THSD4: variants seen among roughly 807,000 people sequenced by gnomAD.
The protein encoded by THSD4 is thrombospondin type 1 domain containing 4.
Under a neutral mutation model 119.0 loss-of-function variants are expected in THSD4, and 69 were observed. The ratio of observed to expected loss-of-function variants is 0.58; its 90% CI spans 0.48 to 0.71. The LOEUF (loss-of-function observed/expected upper bound fraction) is 0.71. Ranked by LOEUF, THSD4 falls within the 30% of genes least tolerant of loss-of-function variation. The pLI is 0.00. For synonymous variants in THSD4, 524 were observed against 540.4 expected (o/e 0.97, Z 0.42); for missense variants, 1,393 against 1,391.1 (o/e 1.00, Z -0.02).
At chr15:71,246,523 G>C (rs1272876121) in intron 5 of THSD4, among the ~76,000 whole-genome samples, 1 of 152,134 alleles carries the variant, frequency 6.6e-6, no homozygotes, top group Non-Finnish European at 1.5e-5. Flanking sequence ...TTGGGTCATG[G>C]TGACTTTAAA....
rs368704582 is a variant in THSD4 at position 71,359,973 on chromosome 15, C to T, written c.1016-51714C>T. 4.1e-4 allele frequency among the ~76,000 whole-genome samples: 63 copies of T among 152,294 alleles called. No individual in the cohort carries two copies. The South Asian group carries it at 8.3e-3, about 20-fold the overall frequency. On this transcript the variant is annotated intron_variant, in intron 6 of 17. Coordinates refer to ENST00000261862, the MANE Select transcript of THSD4 (RefSeq NM_024817.3). ...TGTCTATTGCTGTATAACAGACCAC[C>T]CCAAAATTGAGTAGCTTAAAGAACA...
At chr15:71,443,617 A>G (rs756765846) in intron 7 of THSD4, among the ~76,000 whole-genome samples, 2 of 152,222 alleles carry the variant, frequency 1.3e-5, no homozygotes, top group Non-Finnish European at 2.9e-5. Flanking sequence ...GCAAACCTGT[A>G]TGTTGTCCCT....
chr15:71,442,658 G>GTA (rs1555414314), intron 7 of THSD4, among the ~76,000 whole-genome samples: 4,096 of 31,252 alleles, frequency 0.13, 1,040 homozygotes, highest in Non-Finnish European at 0.2. Flanking sequence ...GTGTGTGTGT[G>GTA]TGTATATATA....
intron 3 of THSD4, among the ~76,000 whole-genome samples, chr15:71,192,486 T>C (rs2043680766): frequency 1.3e-5 from 2 of 152,088 alleles, no homozygotes; most frequent in Admixed American, 6.5e-5. Context: ...TTTCACCATG[T>C]TGGCCAGGCC....
chr15:71,615,506 T>C (rs1466007538), intron 7 of THSD4, among the ~76,000 whole-genome samples: 1 of 152,144 alleles, frequency 6.6e-6, no homozygotes, highest in African/African-American at 2.4e-5. Flanking sequence ...TTTTATACTA[T>C]ATAATGTACC....
chr15:71,120,655 C>T (rs2040401518), intron 1 of THSD4, among the ~76,000 whole-genome samples: 2 of 152,222 alleles, frequency 1.3e-5, no homozygotes, highest in South Asian at 4.1e-4. Context: ...TAATGGGCAC[C>T]CCATCTAATC....
At chr15:71,107,619 C>T (rs56933955) in intron 1 of THSD4, among the ~76,000 whole-genome samples, 2,418 of 152,286 alleles carry the variant, frequency 0.016, 69 homozygotes, top group African/African-American at 0.056. Flanking sequence ...TTAATCTACA[C>T]GCTTGTTCTT....
intron 6 of THSD4, among the ~76,000 whole-genome samples, chr15:71,298,390 TC>T (rs1480862795): frequency 6.6e-6 from 1 of 152,184 alleles, no homozygotes; most frequent in African/African-American, 2.4e-5. Context: ...ACTTTGTTCT[TC>T]TTTTTAAAGG....
intron 17 of THSD4, among the ~76,000 whole-genome samples, chr15:71,776,521 CAT>C (rs1380914194): frequency 6.6e-6 from 1 of 152,188 alleles, no homozygotes; most frequent in Non-Finnish European, 1.5e-5. Flanking sequence ...AAAACTAAAA[CAT>C]ATGGCAAAAA....
intron 7 of THSD4, among the ~76,000 whole-genome samples, chr15:71,490,786 A>G (rs1249597524): frequency 1.3e-5 from 2 of 152,186 alleles, no homozygotes; most frequent in South Asian, 2.1e-4. Context: ...ACTACGGTCA[A>G]TGGGCCAAAT....
chr15:71,562,923 C>T (rs887731486), intron 7 of THSD4, among the ~76,000 whole-genome samples: 1 of 151,982 alleles, frequency 6.6e-6, no homozygotes, highest in African/African-American at 2.4e-5. Context: ...AGCTGGTCTC[C>T]AACTCCTAAC....
intron 7 of THSD4, among the ~76,000 whole-genome samples, chr15:71,587,306 A>G (rs542040146): frequency 2.8e-4 from 36 of 127,010 alleles, no homozygotes; most frequent in Non-Finnish European, 5.3e-4. Context: ...TCATGCTGCT[A>G]TAAAGACACA....
At chr15:71,384,289 A>G (rs978408501) in intron 6 of THSD4, among the ~76,000 whole-genome samples, 1 of 152,104 alleles carries the variant, frequency 6.6e-6, no homozygotes, top group African/African-American at 2.4e-5. Context: ...GAGGCAGGAG[A>G]ATGGCGTGAA....
At chr15:71,103,080 G>A (rs936414995) in intron 1 of THSD4, among the ~76,000 whole-genome samples, 3 of 151,690 alleles carry the variant, frequency 2.0e-5, no homozygotes, top group Non-Finnish European at 4.4e-5. Context: ...TGAGTAATTT[G>A]GGATTATATC....
At chr15:71,359,536 G>T (rs2045865142) in intron 6 of THSD4, among the ~76,000 whole-genome samples, 1 of 152,186 alleles carries the variant, frequency 6.6e-6, no homozygotes, top group Non-Finnish European at 1.5e-5. Context: ...GGCTGGGTGT[G>T]GTGGCTCACG....
intron 7 of THSD4, among the ~76,000 whole-genome samples, chr15:71,586,740 C>T (rs951245347): frequency 6.6e-6 from 1 of 152,218 alleles, no homozygotes; most frequent in Non-Finnish European, 1.5e-5. Flanking sequence ...AACACATTCA[C>T]AGTCGTGGGA....
At chr15:71,703,044 CCTCT>C (rs1158219567) in intron 8 of THSD4, among the ~76,000 whole-genome samples, 1 of 151,856 alleles carries the variant, frequency 6.6e-6, no homozygotes, top group South Asian at 2.1e-4. Context: ...GCAGTGGTGC[CCTCT>C]CAGCTCACTG....
intron 6 of THSD4, among the ~76,000 whole-genome samples, chr15:71,384,749 A>G (rs2046274877): frequency 6.6e-6 from 1 of 152,218 alleles, no homozygotes; most frequent in African/African-American, 2.4e-5. Context: ...GGAACCATCC[A>G]CATAACGGCA....
chr15:71,462,659 G>C (rs1354636613), intron 7 of THSD4, among the ~76,000 whole-genome samples: 2 of 152,068 alleles, frequency 1.3e-5, no homozygotes, highest in African/African-American at 4.8e-5. Context: ...TATTCTCTCT[G>C]GAGTAAAACC....
Sources: allele counts gnomAD v4.1 joint callset (sites outside exome capture counted in the v4.1 genomes callset), GRCh38; gene constraint gnomAD v4.1.1; transcripts MANE v1.5; gene names NCBI Gene and HGNC (gene_info 2026-07-23, HGNC 2026-07-21).